PXK: variants seen among roughly 807,000 people sequenced by gnomAD.
PXK encodes PX domain-containing protein kinase-like protein.
In PXK, 35 loss-of-function variants were observed where a neutral mutation model predicts 84.7. The ratio of observed to expected loss-of-function variants is 0.41; its 90% CI spans 0.32 to 0.55. PXK has a LOEUF of 0.55. PXK is among the 20% of genes least tolerant of loss of function. The pLI, the probability that PXK is intolerant of heterozygous loss-of-function variation, is 0.21. For synonymous variants in PXK, 253 were observed against 260.8 expected (o/e 0.97, Z 0.29); for missense variants, 634 against 699.7 (o/e 0.91, Z 1.06).
Position 58,412,974 on chromosome 3 carries a change from G to T in PXK, c.1528+11G>T, listed in dbSNP as rs780147396. The T allele has an allele frequency of 7.1e-5, 115 of 1,613,552 alleles. No individual in the cohort carries two copies. Among genetic ancestry groups the T allele is most frequent in the Non-Finnish European group, 9.5e-5 (112 of 1,179,646 alleles). On this transcript the variant is annotated intron_variant, in intron 17 of 17. Coordinates refer to ENST00000356151, the MANE Select transcript of PXK (RefSeq NM_017771.5). This position sits in a 1 kb window ranked among gnomAD's most constrained non-coding sequence, Gnocchi z 6.2. ...CACCCTCTACATCAGGTTAGTGATG[G>T]AGTAAAGTGACATGCCACCTTCCTG...
Position 58,421,828 on chromosome 3 carries a change from G to A in PXK, c.1529-2924G>A, listed in dbSNP as rs1309816120. ...AAGAGAAAGTGAGATGGGAGAAATC[G>A]GGACTGACCTGGTCGTAACTGAAGG... On this transcript the variant is annotated intron_variant, in intron 17 of 17. Coordinates refer to ENST00000356151, the MANE Select transcript of PXK (RefSeq NM_017771.5). The surrounding 1 kb of genome is among the most constrained non-coding windows in gnomAD (Gnocchi z 5.5). 5 of 985,302 alleles carry A rather than the reference G, an allele frequency of 5.1e-6. No individual in the cohort carries two copies. The highest frequency in any genetic ancestry group is 6.1e-5 in the Admixed American group (1 of 16,268). 61.0% of individuals were successfully genotyped at this position (985,302 alleles called of 1,614,324 possible). A position where few individuals can be genotyped will look rare whatever the true frequency, so the allele number is the denominator to read the frequency against.
In PXK at chr3:58,409,112, C is replaced by T. The variant is rs1416888535; in HGVS notation, c.1308+111C>T. The T allele has an allele frequency of 1.2e-6, 1 of 816,236 alleles. No individual in the cohort carries two copies. The highest frequency in any genetic ancestry group is 2.0e-6 in the Non-Finnish European group (1 of 508,014). 50.6% of individuals were successfully genotyped at this position (816,236 alleles called of 1,614,324 possible). ...TCTGCAAATATTTTAAGCATACTTACTCTCAGCCAGCCTTTAGGCTAAATG... is the reference window on the plus strand; with the variant it reads ...TCTGCAAATATTTTAAGCATACTTATTCTCAGCCAGCCTTTAGGCTAAATG... On this transcript the variant is annotated intron_variant, in intron 14 of 17. Coordinates refer to ENST00000356151, the MANE Select transcript of PXK (RefSeq NM_017771.5). This position sits in a 1 kb window ranked among gnomAD's most constrained non-coding sequence, Gnocchi z 4.2.
chr3:58,413,391 G>A, intron 17 of PXK: 1 of 174,462 alleles, frequency 5.7e-6, no homozygotes, highest in Non-Finnish European at 1.2e-5. Flanking sequence ...ATGCCTAGGT[G>A]GAGGAGTGAA....
Position 58,412,796 on chromosome 3 carries a change from A to G in PXK, c.1466-105A>G, listed in dbSNP as rs978826800. On this transcript the variant is annotated intron_variant, in intron 16 of 17. Coordinates refer to ENST00000356151, the MANE Select transcript of PXK (RefSeq NM_017771.5). The surrounding 1 kb of genome is among the most constrained non-coding windows in gnomAD (Gnocchi z 6.2). ...TCATCTTGTTTCACAAGGCTCACAC[A>G]CTAAGCCAAATGTAGATTCTCAGAC... The G allele has an allele frequency of 4.3e-6, 5 of 1,174,428 alleles. No individual in the cohort carries two copies. Among genetic ancestry groups the G allele is most frequent in the Admixed American group, 1.7e-5 (1 of 58,508 alleles). 72.8% of individuals were successfully genotyped at this position (1,174,428 alleles called of 1,614,324 possible).
At position 58,412,904 on chromosome 3, in the gene PXK, G is replaced by T; in HGVS notation, c.1469G>T (p.Gly490Val). 1.2e-6 allele frequency: 2 copies of T among 1,614,144 alleles called. No individual in the cohort carries two copies. The highest frequency in any genetic ancestry group is 8.5e-7 in the Non-Finnish European group (1 of 1,180,026). The change falls in exon 17 of 18, where the codon GGA becomes GTA. Residue 490 changes from glycine (G) to valine (V), a missense_variant. By Grantham distance (109) the Gly-to-Val change is moderately radical. This residue lies in a region of PXK where 273 missense variants were observed against 283.6 expected (regional missense o/e 0.96). Coordinates refer to ENST00000356151, the MANE Select transcript of PXK (RefSeq NM_017771.5). This position sits in a 1 kb window ranked among gnomAD's most constrained non-coding sequence, Gnocchi z 6.2. ...AKYSNSNNSA[G>V]SGASSPLTSP... ...GTTTCTCTGTGTTTTATCTTAGCAG[G>T]ATCTGGGGCCAGCTCACCTCTCACG...
Position 58,370,740 on chromosome 3 carries a change from C to T in PXK, c.201+1262C>T, listed in dbSNP as rs769068076. Among the ~76,000 whole-genome samples, 6 of 152,092 alleles carry T rather than the reference C, an allele frequency of 3.9e-5. No individual in the cohort carries two copies. The highest frequency in any genetic ancestry group is 1.4e-4 in the African/African-American group (6 of 41,432). On this transcript the variant is annotated intron_variant, in intron 3 of 17. Transcript: ENST00000356151. This position sits in a 1 kb window ranked among gnomAD's most constrained non-coding sequence, Gnocchi z 4.2. ...TGGGCCACACGTCGTGGCTCACTCC[C>T]GTAATCCCAGCACTTTGGGAGGCTG...
chr3:58,422,732 C>T, intron 17 of PXK: 1 of 985,408 alleles, frequency 1.0e-6, no homozygotes, highest in Non-Finnish European at 1.2e-6. Flanking sequence ...AGATGGCAGC[C>T]CCTACCCCTC....
intron 17 of PXK, chr3:58,420,592 T>G (rs1033930767): frequency 4.3e-5 from 66 of 1,535,946 alleles, no homozygotes; most frequent in Non-Finnish European, 5.2e-5. Flanking sequence ...TGCTGATTTC[T>G]CAGACTTTAA....
rs2060122846 is a variant in PXK at position 58,411,008 on chromosome 3, C to T, written c.1465+849C>T. On this transcript the variant is annotated intron_variant, in intron 16 of 17. Coordinates refer to ENST00000356151, the MANE Select transcript of PXK (RefSeq NM_017771.5). This position sits in a 1 kb window ranked among gnomAD's most constrained non-coding sequence, Gnocchi z 4.2. ...AAAGCCAAGGGGTTAGCATCCAAAG[C>T]CCAGCTATCAGTCTCAACTTTGAGG... 6.6e-6 allele frequency among the ~76,000 whole-genome samples: 1 copy of T among 152,140 alleles called. No individual in the cohort carries two copies. Among genetic ancestry groups the T allele is most frequent in the Admixed American group, 6.5e-5 (1 of 15,276 alleles).
chr3:58,341,957 G>C (rs2107765222), intron 1 of PXK, among the ~76,000 whole-genome samples: 1 of 152,226 alleles, frequency 6.6e-6, no homozygotes, highest in African/African-American at 2.4e-5. Context: ...GGCTGCCTCA[G>C]CCTCCCAAAG....
intron 1 of PXK, among the ~76,000 whole-genome samples, chr3:58,343,338 A>G (rs2097767858): frequency 6.6e-6 from 1 of 152,202 alleles, no homozygotes; most frequent in Non-Finnish European, 1.5e-5. Flanking sequence ...AGCATCAAGC[A>G]CCCTGCTGGT....
In PXK at chr3:58,383,017, C is replaced by T. The variant is rs148075872; in HGVS notation, c.388+317C>T. On this transcript the variant is annotated intron_variant, in intron 4 of 17. Coordinates refer to ENST00000356151, the MANE Select transcript of PXK (RefSeq NM_017771.5). This position sits in a 1 kb window ranked among gnomAD's most constrained non-coding sequence, Gnocchi z 4.0. ...AGTAAGTAATCTACAATAGGCCAGACGCGGTGGCTCATGCCTATAATCCCA... is the reference window on the plus strand; with the variant it reads ...AGTAAGTAATCTACAATAGGCCAGATGCGGTGGCTCATGCCTATAATCCCA... Among the ~76,000 whole-genome samples the T allele has an allele frequency of 3.1e-3, 466 of 152,288 alleles. 1 individual carries two copies. Among genetic ancestry groups the T allele is most frequent in the African/African-American group, 0.011 (450 of 41,568 alleles).
chr3:58,389,009 G>A (rs2098596192), intron 4 of PXK, among the ~76,000 whole-genome samples: 1 of 151,964 alleles, frequency 6.6e-6, no homozygotes, highest in Admixed American at 6.6e-5. Context: ...CTGCAATGAG[G>A]GGAAATGGCA....
intron 3 of PXK, among the ~76,000 whole-genome samples, chr3:58,378,667 T>C (rs1304040822): frequency 6.6e-6 from 1 of 151,016 alleles, no homozygotes; most frequent in African/African-American, 2.4e-5. Flanking sequence ...CCTGAGTAGC[T>C]GGGATTACAG....
chr3:58,422,152 C>T (rs1353873452), intron 17 of PXK: 1 of 985,192 alleles, frequency 1.0e-6, no homozygotes, highest in Non-Finnish European at 1.2e-6. Context: ...AGCTTGTGGA[C>T]CATGGAAAGG....
chr3:58,423,774 AG>A (rs1460750949), intron 17 of PXK, among the ~76,000 whole-genome samples: 1 of 151,532 alleles, frequency 6.6e-6, no homozygotes, highest in Non-Finnish European at 1.5e-5. Context: ...ACTGTGGCAC[AG>A]GAACATTCTT....
In PXK at chr3:58,389,999, CAAA is replaced by C. The variant is rs61380830; in HGVS notation, c.389-560_389-558del. Among the ~76,000 whole-genome samples the C allele has an allele frequency of 3.7e-3, 190 of 51,600 alleles. 1 individual carries two copies. Among genetic ancestry groups the C allele is most frequent in the African/African-American group, 0.016 (182 of 11,108 alleles). The allele number at this position is 51,600 out of a possible 152,430, so 33.9% of individuals were successfully genotyped here. The stretch of plus-strand genomic sequence containing the variant: ...GGGTAACAAGAGTGAAACTCCGTCT[CAAA>C]AAAAAAAAAAAAAAAAAAAAAACAA... On this transcript the variant is annotated intron_variant, in intron 4 of 17. Coordinates refer to ENST00000356151, the MANE Select transcript of PXK (RefSeq NM_017771.5).
intron 1 of PXK, among the ~76,000 whole-genome samples, chr3:58,359,459 A>G (rs1228402188): frequency 6.6e-6 from 1 of 150,846 alleles, no homozygotes; most frequent in Admixed American, 6.6e-5. Flanking sequence ...TGAACTAGGG[A>G]GTCAGAGGTT....
At chr3:58,413,349 G>A (rs868260003) in intron 17 of PXK, 7 of 234,330 alleles carry the variant, frequency 3.0e-5, no homozygotes, top group Admixed American at 1.0e-4. Context: ...CCGTCCATAG[G>A]GTCAGTTTTG....
Sources: gnomAD v4.1 joint callset for allele counts (sites outside exome capture counted in the v4.1 genomes callset) on GRCh38, gnomAD v4.1.1 for gene constraint, gnomAD v4.1.1 regional missense constraint, Gnocchi (gnomAD v3.1) non-coding constraint, MANE v1.5 for transcripts, NCBI Gene and HGNC (gene_info 2026-07-23, HGNC 2026-07-21) for gene names.